Variants in NRXN3 observed in about 807,000 individuals in gnomAD.
NRXN3 encodes the protein neurexin III.
A neutral mutation model predicts 137.6 loss-of-function variants in NRXN3; 32 were observed. The observed-to-expected ratio is 0.23, with a 90% CI of 0.18 to 0.31. The LOEUF (loss-of-function observed/expected upper bound fraction) is 0.31, where lower values mean the gene tolerates loss of function less well. Ranked by LOEUF, NRXN3 falls within the 10% of genes least tolerant of loss-of-function variation. The pLI, the probability that NRXN3 is intolerant of heterozygous loss-of-function variation, is 1.00. For synonymous variants in NRXN3, 798 were observed against 784.5 expected (o/e 1.02, Z -0.29); for missense variants, 1,574 against 2,062.5 (o/e 0.76, Z 4.59).
At chr14:78,459,599 G>T (rs2094858020) in intron 4 of NRXN3, among the ~76,000 whole-genome samples, 1 of 152,146 alleles carries the variant, frequency 6.6e-6, no homozygotes, top group Admixed American at 6.5e-5. Context: ...GACATACAAA[G>T]TGATGGTGGA....
intron 15 of NRXN3, among the ~76,000 whole-genome samples, chr14:79,359,893 A>G (rs2093624570): frequency 6.6e-6 from 1 of 152,200 alleles, no homozygotes; most frequent in Non-Finnish European, 1.5e-5. Flanking sequence ...GAACAATGGG[A>G]AAAGACTTTA....
chr14:78,836,228 A>G (rs186107640), intron 10 of NRXN3, among the ~76,000 whole-genome samples: 1 of 152,370 alleles, frequency 6.6e-6, no homozygotes, highest in Non-Finnish European at 1.5e-5. Flanking sequence ...AAAGCAAAAA[A>G]GGAAAGAGAA....
At chr14:79,682,675 T>G in intron 17 of NRXN3, among the ~76,000 whole-genome samples, 1 of 152,150 alleles carries the variant, frequency 6.6e-6, no homozygotes, top group Non-Finnish European at 1.5e-5. Context: ...CTAATGATGT[T>G]CTAAGCAGAA....
chr14:78,915,345 C>CA (rs35908076), intron 10 of NRXN3, among the ~76,000 whole-genome samples: 861 of 11,182 alleles, frequency 0.077, 255 homozygotes, highest in Non-Finnish European at 0.11. Flanking sequence ...ACGTGTGAAG[C>CA]AAAAAAAAAA....
intron 20 of NRXN3, among the ~76,000 whole-genome samples, chr14:79,823,295 T>A (rs2141081417): frequency 6.6e-6 from 1 of 152,318 alleles, no homozygotes; most frequent in Admixed American, 6.5e-5. Context: ...ATTTACTGAG[T>A]ATTTATTGGA....
intron 2 of NRXN3, among the ~76,000 whole-genome samples, chr14:78,258,416 G>A (rs1002754173): frequency 6.6e-6 from 1 of 152,030 alleles, no homozygotes; most frequent in South Asian, 2.1e-4. Flanking sequence ...AGGGGCAGGT[G>A]GGGGCAATGG....
intron 10 of NRXN3, among the ~76,000 whole-genome samples, chr14:78,933,043 G>T (rs1218708492): frequency 1.3e-5 from 2 of 152,076 alleles, no homozygotes; most frequent in African/African-American, 2.4e-5. Flanking sequence ...CTGACAATTT[G>T]CATCGTCTGT....
intron 10 of NRXN3, among the ~76,000 whole-genome samples, chr14:78,889,124 A>G (rs2099151971): frequency 6.6e-6 from 1 of 152,014 alleles, no homozygotes; most frequent in Non-Finnish European, 1.5e-5. Flanking sequence ...ATGCAGGACT[A>G]GTTTAATTGT....
chr14:79,607,897 C>G (rs982076580), intron 16 of NRXN3, among the ~76,000 whole-genome samples: 2 of 152,040 alleles, frequency 1.3e-5, no homozygotes, highest in African/African-American at 4.8e-5. Context: ...TCTAGAACTC[C>G]TAGACTGAAG....
chr14:79,117,757 C>T (rs2054706413), intron 15 of NRXN3, among the ~76,000 whole-genome samples: 2 of 152,294 alleles, frequency 1.3e-5, no homozygotes, highest in East Asian at 1.9e-4. Context: ...AGTTATTAAC[C>T]TGTCAGCCTC....
At chr14:79,853,776 A>T (rs2099396775) in intron 20 of NRXN3, 1 of 1,022,744 alleles carries the variant, frequency 9.8e-7, no homozygotes, top group Admixed American at 5.4e-5. Context: ...AAAGACAAAA[A>T]AATATATATA....
chr14:78,967,883 A>T (rs923046229), intron 13 of NRXN3, among the ~76,000 whole-genome samples: 6 of 152,220 alleles, frequency 3.9e-5, no homozygotes, highest in African/African-American at 1.4e-4. Flanking sequence ...AAGCACATAA[A>T]AAGCACTCAA....
At chr14:79,380,167 T>G (rs931858817) in intron 15 of NRXN3, among the ~76,000 whole-genome samples, 13 of 145,630 alleles carry the variant, frequency 8.9e-5, no homozygotes, top group African/African-American at 3.3e-4. Context: ...TTTTTTTTTT[T>G]GGTAGATATA....
chr14:79,417,128 C>T (rs960784271), intron 15 of NRXN3, among the ~76,000 whole-genome samples: 1 of 151,900 alleles, frequency 6.6e-6, no homozygotes, highest in Non-Finnish European at 1.5e-5. Flanking sequence ...TTGGTTTCCT[C>T]GTGTGTATGA....
At chr14:78,778,662 TTTC>T (rs2098752616) in intron 8 of NRXN3, among the ~76,000 whole-genome samples, 1 of 149,620 alleles carries the variant, frequency 6.7e-6, no homozygotes, top group Non-Finnish European at 1.5e-5. Context: ...TTCTTTTCCT[TTTC>T]TTTTCTCTTT....
At chr14:79,251,305 C>T (rs2075890096) in intron 15 of NRXN3, among the ~76,000 whole-genome samples, 1 of 152,052 alleles carries the variant, frequency 6.6e-6, no homozygotes, top group Non-Finnish European at 1.5e-5. Flanking sequence ...AGGGAATGAA[C>T]AGCACTCTGA....
intron 10 of NRXN3, among the ~76,000 whole-genome samples, chr14:78,848,715 T>A (rs1416100863): frequency 3.3e-5 from 5 of 152,140 alleles, no homozygotes; most frequent in African/African-American, 4.8e-5. Context: ...AAGTTGTCAT[T>A]ACTTTGTGGG....
At chr14:78,240,555 C>T (rs2066950900) in intron 1 of NRXN3, among the ~76,000 whole-genome samples, 1 of 152,198 alleles carries the variant, frequency 6.6e-6, no homozygotes, top group Non-Finnish European at 1.5e-5. Context: ...CCCAGCTCAC[C>T]ACCACTGGAC....
chr14:79,243,171 G>T (rs1007992960), intron 15 of NRXN3, among the ~76,000 whole-genome samples: 2 of 152,056 alleles, frequency 1.3e-5, no homozygotes, highest in Non-Finnish European at 2.9e-5. Flanking sequence ...AGATATGCGA[G>T]ATTAAAACAA....
Sources: gnomAD v4.1 joint callset for allele counts (sites outside exome capture counted in the v4.1 genomes callset) on GRCh38, gnomAD v4.1.1 for gene constraint, MANE v1.5 for transcripts, NCBI Gene and HGNC (gene_info 2026-07-23, HGNC 2026-07-21) for gene names.